The following CFAP92 variants were observed in gnomAD, a reference collection of about 807,000 sequenced individuals.
The protein encoded by CFAP92 is cilia and flagella associated protein 92 (putative).
In CFAP92, 86 loss-of-function variants were observed where a neutral mutation model predicts 106.3. The observed-to-expected ratio is 0.81, with a 90% CI of 0.68 to 0.97. The LOEUF (loss-of-function observed/expected upper bound fraction) is 0.97, where lower values mean the gene tolerates loss of function less well. CFAP92 is among the 50% of genes least tolerant of loss of function. The probability of loss-of-function intolerance (pLI) is 0.00; values close to 1 mark genes in which losing one functional copy is unlikely to be tolerated. For synonymous variants in CFAP92, 477 were observed against 506.4 expected, an observed-to-expected ratio of 0.94 and a Z score of 0.78; for missense variants, 1,204 against 1,283.8, an observed-to-expected ratio of 0.94 and a Z score of 0.95.
chr3:128,933,291 G>A (rs1193923382), intron 11 of CFAP92, among the ~76,000 whole-genome samples: 10 of 152,102 alleles, frequency 6.6e-5, no homozygotes, highest in African/African-American at 4.8e-5. Flanking sequence ...ATACCCCATC[G>A]GGACACAGCC....
intron 2 of CFAP92, among the ~76,000 whole-genome samples, chr3:128,992,778 T>C (rs1053530709): frequency 1.3e-5 from 2 of 152,080 alleles, no homozygotes; most frequent in African/African-American, 4.8e-5. Flanking sequence ...TCCATGGTTT[T>C]TTTTTCTTCT....
At position 128,945,246 on chromosome 3, in the gene CFAP92, CAG is replaced by C. The variant is rs1325543347; in HGVS notation, c.2081_2082del (p.Pro694ArgfsTer114). 1.3e-6 allele frequency: 2 copies of C among 1,536,038 alleles called. No homozygotes were observed. The highest frequency in any genetic ancestry group is 1.4e-5 in the African/African-American group (1 of 73,038). The stretch of plus-strand genomic sequence containing the variant: ...GACAGGATCTGCTGCAGGGTCCTGA[CAG>C]GGTAGGAGTCCAGGCCGAGGGCCTT... ...NAKALGLDSY[P>X]VRTLQQILSA... is the part of the protein sequence containing the mutation. On this transcript the variant is annotated frameshift_variant, in exon 10 of 16. Transcript: ENST00000645291. LOFTEE classifies it high-confidence loss of function.
At chr3:129,008,338 G>A in the CFAP92 span, among the ~76,000 whole-genome samples, 2 of 152,174 alleles carry the variant, frequency 1.3e-5, no homozygotes, top group African/African-American at 2.4e-5. Context: ...CTCCATGGGC[G>A]TTTCAGCTCC....
the CFAP92 span, among the ~76,000 whole-genome samples, chr3:129,016,019 ACT>A: frequency 6.6e-6 from 1 of 152,202 alleles, no homozygotes; most frequent in Admixed American, 6.5e-5. Context: ...TTGCTGAGTC[ACT>A]GAGCGGCTCA....
At chr3:129,024,004 C>T in the CFAP92 span, among the ~76,000 whole-genome samples, 10 of 152,156 alleles carry the variant, frequency 6.6e-5, no homozygotes, top group Non-Finnish European at 1.3e-4. Flanking sequence ...CTGGTCTTGT[C>T]CCTGGCCTGG....
chr3:128,973,129 A>G (rs1289255021), intron 7 of CFAP92, among the ~76,000 whole-genome samples: 1 of 152,256 alleles, frequency 6.6e-6, no homozygotes, highest in Non-Finnish European at 1.5e-5. Context: ...TACCATGCAT[A>G]TAACTGGCAA....
intron 1 of CFAP92, chr3:129,002,428 GAC>G: frequency 7.0e-7 from 1 of 1,418,496 alleles, no homozygotes; most frequent in East Asian, 2.9e-5. Context: ...AGGAAGGGGA[GAC>G]AGAGGGCAGC....
upstream of CFAP92, among the ~76,000 whole-genome samples, chr3:129,005,880 C>T (rs1945052808): frequency 6.6e-6 from 1 of 152,274 alleles, no homozygotes; most frequent in South Asian, 2.1e-4. Flanking sequence ...TTGAGGCCCA[C>T]ATCCAGCCTT....
At chr3:128,951,966 T>A (rs1291767565) in intron 9 of CFAP92, among the ~76,000 whole-genome samples, 1 of 152,054 alleles carries the variant, frequency 6.6e-6, no homozygotes, top group Non-Finnish European at 1.5e-5. Flanking sequence ...TAACAAGATA[T>A]CCCTACCCAC....
intron 1 of CFAP92, among the ~76,000 whole-genome samples, chr3:129,000,141 A>G (rs1371038362): frequency 6.6e-6 from 1 of 152,236 alleles, no homozygotes; most frequent in Non-Finnish European, 1.5e-5. Context: ...GTAATAAACA[A>G]TGATGCAGTG....
chr3:128,912,957 G>C (rs1254418782), intron 15 of CFAP92: 1 of 492,138 alleles, frequency 2.0e-6, no homozygotes, highest in Admixed American at 2.3e-5. Context: ...ACCTGTGTCA[G>C]GTGTGGATAG....
chr3:128,946,326 AG>A (rs145362181), intron 9 of CFAP92, among the ~76,000 whole-genome samples: 10,299 of 152,238 alleles, frequency 0.068, 411 homozygotes, highest in African/African-American at 0.099. Flanking sequence ...AAAGGTACAG[AG>A]AAGTGATTTT....
At chr3:128,944,721 A>G (rs60027603) in intron 10 of CFAP92, among the ~76,000 whole-genome samples, 2,062 of 152,240 alleles carry the variant, frequency 0.014, 50 homozygotes, top group African/African-American at 0.047. Context: ...CCTGCAGCCT[A>G]AGCAGCCCCT....
Position 128,971,363 on chromosome 3 carries a change from C to G in CFAP92, c.1092G>C (p.Glu364Asp). 6.2e-7 allele frequency: 1 copy of G among 1,613,670 alleles called. No individual in the cohort carries two copies. The highest frequency in any genetic ancestry group is 8.5e-7 in the Non-Finnish European group (1 of 1,179,738). The change falls in exon 8 of 16, where the codon GAG becomes GAC. Residue 364 changes from glutamate to aspartate, a missense_variant. By Grantham distance (45) the Glu-to-Asp change is conservative. Coordinates refer to ENST00000645291, the MANE Select transcript of CFAP92 (RefSeq NM_001394090.1). The part of the protein sequence containing the change: ...RRHKKPLAEE[E>D]ADPTLTGPRK... ...TGGGGCCTGTCAGCGTGGGGTCTGCCTCTTCTTCTGCCAGGGGCTTCTTAT... is the reference window on the plus strand; with the variant it reads ...TGGGGCCTGTCAGCGTGGGGTCTGCGTCTTCTTCTGCCAGGGGCTTCTTAT...
At chr3:129,011,793 C>T in the CFAP92 span, among the ~76,000 whole-genome samples, 1 of 152,262 alleles carries the variant, frequency 6.6e-6, no homozygotes, top group East Asian at 1.9e-4. Context: ...ACACTTTGGG[C>T]TGACAGCTCA....
the CFAP92 span, among the ~76,000 whole-genome samples, chr3:129,014,211 G>A: frequency 1.4e-3 from 206 of 152,328 alleles, no homozygotes; most frequent in African/African-American, 4.6e-3. This position sits in a 1 kb window ranked among gnomAD's most constrained non-coding sequence, Gnocchi z 4.3. Flanking sequence ...CCCTGCCCTC[G>A]TGGACCAACT....
chr3:128,939,136 G>C (rs776442389), intron 10 of CFAP92, among the ~76,000 whole-genome samples: 2 of 151,932 alleles, frequency 1.3e-5, no homozygotes, highest in Non-Finnish European at 2.9e-5. Flanking sequence ...TTGTCTGCTA[G>C]AGTTATTTAT....
chr3:128,928,174 A>G (rs993002244), intron 12 of CFAP92, among the ~76,000 whole-genome samples: 2 of 152,118 alleles, frequency 1.3e-5, no homozygotes, highest in Admixed American at 6.5e-5. Context: ...AATGGCGTGA[A>G]CCTGGGAGGC....
chr3:128,970,807 C>T (rs532789520), intron 8 of CFAP92: 2 of 159,136 alleles, frequency 1.3e-5, no homozygotes, highest in South Asian at 3.6e-4. Flanking sequence ...CAGCCACCAC[C>T]ACACCACAGG....
Sources: allele counts gnomAD v4.1 joint callset (sites outside exome capture counted in the v4.1 genomes callset), GRCh38; gene constraint gnomAD v4.1.1; non-coding constraint Gnocchi (gnomAD v3.1); transcripts MANE v1.5; gene names NCBI Gene and HGNC (gene_info 2026-07-23, HGNC 2026-07-21).